Variants in DIAPH3 observed in about 807,000 individuals in gnomAD.
The protein encoded by DIAPH3 is diaphanous related formin 3.
A neutral mutation model predicts 144.3 loss-of-function variants in DIAPH3; 117 were observed. The ratio of observed to expected loss-of-function variants is 0.81; its 90% CI spans 0.70 to 0.95. DIAPH3 has a LOEUF of 0.95. DIAPH3 is among the 40% of genes least tolerant of loss of function. The probability of loss-of-function intolerance (pLI) is 0.00; values close to 1 mark genes in which losing one functional copy is unlikely to be tolerated. For missense variants in DIAPH3, 1,421 were observed against 1,412.7 expected (o/e 1.01, Z -0.09); for synonymous variants, 519 against 488.9 (o/e 1.06, Z -0.81).
intron 27 of DIAPH3, among the ~76,000 whole-genome samples, chr13:59,743,995 C>T (rs1399027505): frequency 6.6e-6 from 1 of 152,114 alleles, no homozygotes; most frequent in African/African-American, 2.4e-5. Flanking sequence ...GCTATTCTTA[C>T]ATTAAATTTG....
intron 5 of DIAPH3, among the ~76,000 whole-genome samples, chr13:60,020,180 T>C (rs1191253542): frequency 6.6e-6 from 1 of 152,162 alleles, no homozygotes; most frequent in Non-Finnish European, 1.5e-5. Context: ...CTTCTATTGT[T>C]ACATATAAGA....
At chr13:59,827,657 C>T (rs1002647606) in intron 24 of DIAPH3, among the ~76,000 whole-genome samples, 21 of 151,872 alleles carry the variant, frequency 1.4e-4, no homozygotes, top group Non-Finnish European at 2.6e-4. Context: ...GGCTTCCACC[C>T]GTACCAATTA....
At chr13:60,131,217 C>T (rs906784085) in intron 2 of DIAPH3, among the ~76,000 whole-genome samples, 3 of 151,720 alleles carry the variant, frequency 2.0e-5, no homozygotes, top group African/African-American at 7.3e-5. Flanking sequence ...TCACTTGAGC[C>T]CAGGAGTTTA....
At chr13:59,822,042 TG>T (rs1283757268) in intron 24 of DIAPH3, among the ~76,000 whole-genome samples, 1 of 152,202 alleles carries the variant, frequency 6.6e-6, no homozygotes, top group African/African-American at 2.4e-5. Flanking sequence ...GTAACATTAC[TG>T]GCCCTTCTTA....
intron 5 of DIAPH3, among the ~76,000 whole-genome samples, chr13:60,038,166 G>A (rs191570899): frequency 6.6e-6 from 1 of 152,136 alleles, no homozygotes; most frequent in African/African-American, 2.4e-5. Context: ...AAAAAGGGAT[G>A]AAAGGAAGCT....
At chr13:59,694,568 C>T (rs759592065) in intron 27 of DIAPH3, among the ~76,000 whole-genome samples, 6 of 152,086 alleles carry the variant, frequency 3.9e-5, no homozygotes, top group Non-Finnish European at 5.9e-5. Flanking sequence ...GCTTCTAAAA[C>T]GCTTGATTGT....
intron 27 of DIAPH3, among the ~76,000 whole-genome samples, chr13:59,745,396 G>C (rs2139076784): frequency 6.6e-6 from 1 of 152,222 alleles, no homozygotes; most frequent in African/African-American, 2.4e-5. Context: ...AAAATATCTT[G>C]GAAGAGGTAT....
At chr13:59,953,139 G>A (rs1159873288) in intron 17 of DIAPH3, among the ~76,000 whole-genome samples, 1 of 152,106 alleles carries the variant, frequency 6.6e-6, no homozygotes, top group Non-Finnish European at 1.5e-5. Context: ...TTGAGAAAGC[G>A]ACATTTGAGT....
intron 22 of DIAPH3, among the ~76,000 whole-genome samples, chr13:59,840,431 C>T (rs2042275451): frequency 6.6e-6 from 1 of 151,122 alleles, no homozygotes; most frequent in Admixed American, 6.6e-5. Context: ...TCCTTGGAAG[C>T]AATCTAAATG....
chr13:59,815,180 T>G (rs1023257179), intron 24 of DIAPH3, among the ~76,000 whole-genome samples: 1 of 152,206 alleles, frequency 6.6e-6, no homozygotes, highest in African/African-American at 2.4e-5. Context: ...AGTCACTTCT[T>G]TTGGATTTCA....
Position 60,052,642 on chromosome 13 carries a change from CA to C in DIAPH3, c.496-9823del, listed in dbSNP as rs2056393073. On this transcript the variant is annotated intron_variant, in intron 4 of 27. Transcript: ENST00000400324. ...TCATCACTGTAACACCAATTCTTTG[CA>C]AAGTGAATGGCTTTCAGTGAATGAA... Among the ~76,000 whole-genome samples the C allele has an allele frequency of 2.0e-5, 3 of 152,026 alleles. No individual in the cohort carries two copies. In the South Asian group the frequency reaches 6.2e-4, roughly 32 times the overall value.
At chr13:59,939,915 T>G (rs2048444282) in intron 17 of DIAPH3, among the ~76,000 whole-genome samples, 1 of 151,218 alleles carries the variant, frequency 6.6e-6, no homozygotes, top group Admixed American at 6.6e-5. Context: ...CTAAGCCAAG[T>G]CAGGATTCAG....
intron 27 of DIAPH3, among the ~76,000 whole-genome samples, chr13:59,687,170 A>C (rs1736204738): frequency 6.6e-6 from 1 of 152,122 alleles, no homozygotes; most frequent in South Asian, 2.1e-4. Flanking sequence ...TGACAGAAGC[A>C]GTTAGGAAAA....
In DIAPH3 at chr13:59,861,223, T is replaced by A. The variant is rs1020377035; in HGVS notation, c.2737+184A>T. The A allele has an allele frequency of 1.3e-5, 19 of 1,491,938 alleles. No individual in the cohort carries two copies. In the South Asian group the frequency reaches 2.5e-4, roughly 20 times the overall value. 92.4% of individuals were successfully genotyped at this position (1,491,938 alleles called of 1,614,324 possible). A position where few individuals can be genotyped will look rare whatever the true frequency, so the allele number is the denominator to read the frequency against. On this transcript the variant is annotated intron_variant, in intron 22 of 27. Coordinates refer to ENST00000400324, the MANE Select transcript of DIAPH3 (RefSeq NM_001042517.2). Reference sequence around the variant, plus strand: ...AGGCCTCATCATCTAACTAAACAAATTAAACTCATAGCTCCAATCATGACA... The same window carrying A: ...AGGCCTCATCATCTAACTAAACAAAATAAACTCATAGCTCCAATCATGACA...
At chr13:59,876,448 T>C (rs1362693976) in intron 21 of DIAPH3, among the ~76,000 whole-genome samples, 2 of 152,190 alleles carry the variant, frequency 1.3e-5, no homozygotes, top group African/African-American at 4.8e-5. Context: ...CTAACTGTAG[T>C]AAAAGAATAA....
intron 25 of DIAPH3, among the ~76,000 whole-genome samples, chr13:59,806,480 A>G (rs1035110948): frequency 9.2e-5 from 14 of 152,028 alleles, no homozygotes; most frequent in African/African-American, 3.1e-4. Context: ...TTATTAAACA[A>G]TATTTAAACT....
intron 23 of DIAPH3, among the ~76,000 whole-genome samples, chr13:59,837,463 C>T (rs1049786845): frequency 6.6e-6 from 1 of 152,006 alleles, no homozygotes; most frequent in Non-Finnish European, 1.5e-5. Context: ...AGGAATTCAT[C>T]TTGGTTCTAT....
intron 5 of DIAPH3, among the ~76,000 whole-genome samples, chr13:60,031,646 T>G (rs2054801802): frequency 6.7e-6 from 1 of 149,444 alleles, no homozygotes; most frequent in African/African-American, 2.5e-5. Context: ...AGGTAAACAT[T>G]CCCATTCCAA....
intron 5 of DIAPH3, among the ~76,000 whole-genome samples, chr13:60,041,517 C>G (rs1362032966): frequency 6.6e-6 from 1 of 152,172 alleles, no homozygotes; most frequent in African/African-American, 2.4e-5. Flanking sequence ...AGTCTCACAT[C>G]TCAGCAGGTA....
Sources: allele counts gnomAD v4.1 joint callset (sites outside exome capture counted in the v4.1 genomes callset), GRCh38; gene constraint gnomAD v4.1.1; transcripts MANE v1.5; gene names NCBI Gene and HGNC (gene_info 2026-07-23, HGNC 2026-07-21).